The following SIRPG variants were observed in gnomAD, a reference collection of about 807,000 sequenced individuals.
SIRPG encodes signal-regulatory protein gamma.
Under a neutral mutation model 35.7 loss-of-function variants are expected in SIRPG, and 38 were observed. The ratio of observed to expected loss-of-function variants is 1.06; its 90% CI spans 0.82 to 1.40. The LOEUF (loss-of-function observed/expected upper bound fraction) is 1.40, where lower values mean the gene tolerates loss of function less well. SIRPG is among the 40% of genes most tolerant of loss of function. The probability of loss-of-function intolerance (pLI) is 0.00; values close to 1 mark genes in which losing one functional copy is unlikely to be tolerated. For synonymous variants in SIRPG, 215 were observed against 190.4 expected (o/e 1.13, Z -1.06); for missense variants, 519 against 483.0 (o/e 1.07, Z -0.70).
intron 2 of SIRPG, among the ~76,000 whole-genome samples, chr20:1,644,385 T>C (rs2091880879): frequency 6.6e-6 from 1 of 152,182 alleles, no homozygotes; most frequent in African/African-American, 2.4e-5. Context: ...GGGATACCTC[T>C]TGGGAACAAG....
chr20:1,669,003 C>T, the SIRPG span, among the ~76,000 whole-genome samples: 5 of 152,202 alleles, frequency 3.3e-5, no homozygotes, highest in African/African-American at 9.7e-5. Context: ...CAGGAGGAAT[C>T]CAAGCCTTTG....
At chr20:1,677,503 G>A in the SIRPG span, among the ~76,000 whole-genome samples, 9 of 152,134 alleles carry the variant, frequency 5.9e-5, no homozygotes, top group Non-Finnish European at 1.3e-4. Flanking sequence ...GAGTGACAGT[G>A]ACATGCAGAA....
chr20:1,633,687 C>A (rs944584082), intron 4 of SIRPG: 1 of 152,188 alleles, frequency 6.6e-6, no homozygotes, highest in African/African-American at 2.4e-5. Context: ...CGTGACCTAG[C>A]ACTGACCCAG....
intron 4 of SIRPG, among the ~76,000 whole-genome samples, chr20:1,633,066 C>T (rs867545410): frequency 6.6e-6 from 1 of 152,054 alleles, no homozygotes; most frequent in South Asian, 2.1e-4. Flanking sequence ...CAGGGGATAT[C>T]GCCATAACCC....
chr20:1,674,061 G>T, the SIRPG span, among the ~76,000 whole-genome samples: 4 of 152,208 alleles, frequency 2.6e-5, no homozygotes, highest in Non-Finnish European at 5.9e-5. Flanking sequence ...ATCCAGAAAA[G>T]CTGCTGTCAA....
At chr20:1,654,191 A>C (rs575592464) in intron 1 of SIRPG, among the ~76,000 whole-genome samples, 2 of 151,626 alleles carry the variant, frequency 1.3e-5, no homozygotes, top group South Asian at 4.2e-4. Context: ...GTGAGCTGAG[A>C]TCACACCACT....
intron 1 of SIRPG, among the ~76,000 whole-genome samples, chr20:1,650,081 A>C (rs921589495): frequency 6.8e-6 from 1 of 146,322 alleles, no homozygotes; most frequent in Non-Finnish European, 1.5e-5. Context: ...ATATGTATTT[A>C]AAAACTGTCA....
intron 2 of SIRPG, among the ~76,000 whole-genome samples, chr20:1,642,694 G>A (rs1439609596): frequency 6.6e-6 from 1 of 152,108 alleles, no homozygotes; most frequent in African/African-American, 2.4e-5. Context: ...GTATGTTTTT[G>A]CAGTGGCTGG....
the SIRPG span, among the ~76,000 whole-genome samples, chr20:1,668,500 T>C: frequency 3.3e-5 from 5 of 152,206 alleles, no homozygotes; most frequent in African/African-American, 1.2e-4. Flanking sequence ...GCCAGGCTGG[T>C]CTCAATCTCT....
the SIRPG span, among the ~76,000 whole-genome samples, chr20:1,676,298 G>A: frequency 6.6e-6 from 1 of 152,142 alleles, no homozygotes; most frequent in South Asian, 2.1e-4. Flanking sequence ...ACCTCCAGTG[G>A]GCATTTGTCA....
chr20:1,644,342 G>A (rs749454554), intron 2 of SIRPG, among the ~76,000 whole-genome samples: 34 of 152,212 alleles, frequency 2.2e-4, no homozygotes, highest in Admixed American at 1.7e-3. Context: ...CACTCTGGCC[G>A]CAGTTTGCCA....
Position 1,636,351 on chromosome 20 carries a change from G to A in SIRPG, c.585C>T (p.Asn195=), listed in dbSNP as rs768776233. The change falls in exon 3 of 6, where the codon AAC becomes AAT. Residue 195 remains asparagine, a synonymous_variant. Coordinates refer to ENST00000303415, the MANE Select transcript of SIRPG (RefSeq NM_018556.4). ...CCACACTCTGTCCTGTGGGGTCCAC[G>A]TTGGTCTGGAAGTCTGAGAGCTCAT... ...NGNELSDFQT[N]VDPTGQSVAY... 8.1e-6 allele frequency: 13 copies of A among 1,614,250 alleles called. No homozygotes were observed. The highest frequency in any genetic ancestry group is 1.6e-4 in the Middle Eastern group (1 of 6,062).
At chr20:1,636,632 G>T (rs958977857) in intron 2 of SIRPG, 127 bp from the exon 3 acceptor site, 6 of 1,094,598 alleles carry the variant, frequency 5.5e-6, no homozygotes, top group South Asian at 1.5e-5. Context: ...GGAGAGGATG[G>T]TGTTCTTATT....
chr20:1,638,181 T>C (rs2091819430), intron 2 of SIRPG, among the ~76,000 whole-genome samples: 1 of 152,172 alleles, frequency 6.6e-6, no homozygotes, highest in Admixed American at 6.5e-5. Flanking sequence ...AATCCTCCCT[T>C]TATTGCCTTG....
upstream of SIRPG, among the ~76,000 whole-genome samples, chr20:1,660,609 T>A (rs1025486503): frequency 1.3e-5 from 2 of 152,228 alleles, no homozygotes; most frequent in Non-Finnish European, 2.9e-5. Flanking sequence ...AGTACACAGA[T>A]GCTTACAATT....
chr20:1,655,294 T>A (rs1160985513), intron 1 of SIRPG, among the ~76,000 whole-genome samples: 5 of 152,156 alleles, frequency 3.3e-5, no homozygotes, highest in Non-Finnish European at 7.3e-5. Context: ...TATCAGCAGA[T>A]AAATGGAGAA....
the SIRPG span, among the ~76,000 whole-genome samples, chr20:1,686,377 G>A: frequency 3.9e-5 from 6 of 152,282 alleles, no homozygotes; most frequent in South Asian, 2.1e-4. Flanking sequence ...GGACCAGGAG[G>A]GTGGGGCCAG....
Position 1,635,316 on chromosome 20 carries a change from G to C in SIRPG, c.1032C>G (p.Ala344=). ...DGQLAVSKRL[A]LEVTVHQKDQ... Reference sequence around the variant, plus strand: ...CCTTCTGGTGGACTGTGACCTCTAGGGCAAGGCGTTTGCTGACCGCCAGCT... The same window carrying C: ...CCTTCTGGTGGACTGTGACCTCTAGCGCAAGGCGTTTGCTGACCGCCAGCT... Residue 344 remains alanine, a synonymous_variant, in exon 4 of 6, where the codon GCC becomes GCG. Transcript: ENST00000303415. 2 of 1,614,144 alleles carry C rather than the reference G, an allele frequency of 1.2e-6. No individual in the cohort carries two copies. Among genetic ancestry groups the C allele is most frequent in the African/African-American group, 1.3e-5 (1 of 75,042 alleles).
At chr20:1,683,638 C>A in the SIRPG span, among the ~76,000 whole-genome samples, 7 of 152,078 alleles carry the variant, frequency 4.6e-5, no homozygotes, top group Non-Finnish European at 7.4e-5. Context: ...CACAGAAAGA[C>A]AAATACCACA....
Sources: allele counts gnomAD v4.1 joint callset (sites outside exome capture counted in the v4.1 genomes callset), GRCh38; gene constraint gnomAD v4.1.1; transcripts MANE v1.5; gene names NCBI Gene and HGNC (gene_info 2026-07-23, HGNC 2026-07-21).